Variants in GAN observed in about 807,000 individuals in gnomAD.
GAN encodes gigaxonin.
Under a neutral mutation model 71.3 loss-of-function variants are expected in GAN, and 48 were observed. That is an observed-to-expected ratio of 0.67 (90% CI 0.53 to 0.86). GAN has a LOEUF of 0.86. Ranked by LOEUF, GAN falls within the 40% of genes least tolerant of loss-of-function variation. GAN has a pLI of 0.00. For missense variants in GAN, 928 were observed against 770.1 expected (o/e 1.21, Z -2.43); for synonymous variants, 386 against 276.8 (o/e 1.39, Z -3.92).
intron 1 of GAN, among the ~76,000 whole-genome samples, chr16:81,330,362 C>G (rs1396627950): frequency 6.6e-6 from 1 of 152,234 alleles, no homozygotes; most frequent in Non-Finnish European, 1.5e-5. Flanking sequence ...CACTGAGGAG[C>G]TCAGAAGACA....
chr16:81,357,829 G>C lies in GAN; in HGVS notation c.871G>C (p.Ala291Pro). The change falls in exon 5 of 11, where the codon GCG becomes CCG. Residue 291 changes from alanine to proline, a missense_variant. Ala to Pro is a conservative substitution (Grantham distance 27, BLOSUM62 -1). Coordinates refer to ENST00000648994, the MANE Select transcript of GAN (RefSeq NM_022041.4). ...CCTTAGTTCACGGAAACCCACAGCA[G>C]CGATGCGATGCATGTGCCCTCTCTA... Reference protein sequence around the residue: ...EERVSRKPTAAMRCMCPLYDP... With the variant: ...EERVSRKPTAPMRCMCPLYDP... 1 of 1,613,376 alleles carries C rather than the reference G, an allele frequency of 6.2e-7. No homozygotes were observed. Among genetic ancestry groups the C allele is most frequent in the Non-Finnish European group, 8.5e-7 (1 of 1,179,282 alleles).
rs765991121 is a variant in GAN, at chr16:81,377,371, A to G, written c.1612+43A>G. 8 of 1,597,630 alleles carry G rather than the reference A, an allele frequency of 5.0e-6. No homozygotes were observed. The South Asian group carries it at 7.7e-5, about 15-fold the overall frequency. ...ATTTTCTTGGAACTGTTTCCTGGTG[A>G]TTCTGGGTACATTTTCTCACCCTTG... On this transcript the variant is annotated intron_variant, in intron 10 of 10. Coordinates refer to ENST00000648994, the MANE Select transcript of GAN (RefSeq NM_022041.4).
At chr16:81,367,228 T>C (rs531215039) in intron 9 of GAN, among the ~76,000 whole-genome samples, 5 of 152,276 alleles carry the variant, frequency 3.3e-5, no homozygotes, top group Admixed American at 6.5e-5. Context: ...CTTTGCTGTT[T>C]AAAAGCACTT....
intron 7 of GAN, among the ~76,000 whole-genome samples, chr16:81,364,322 T>C (rs1021798015): frequency 6.6e-6 from 1 of 152,170 alleles, no homozygotes; most frequent in South Asian, 2.1e-4. Flanking sequence ...CAGATTAGAG[T>C]GCGGTGGCGC....
At chr16:81,359,886 A>G (rs1337677456) in intron 5 of GAN, among the ~76,000 whole-genome samples, 1 of 152,244 alleles carries the variant, frequency 6.6e-6, no homozygotes, top group Non-Finnish European at 1.5e-5. Flanking sequence ...GTCTCTCTCA[A>G]AATATCTTAC....
intron 9 of GAN, among the ~76,000 whole-genome samples, chr16:81,374,434 A>G (rs908677800): frequency 6.6e-6 from 1 of 152,374 alleles, no homozygotes; most frequent in East Asian, 1.9e-4. Context: ...CCTAGCCTGC[A>G]GAAGTCATTA....
intron 5 of GAN, among the ~76,000 whole-genome samples, chr16:81,359,900 A>G (rs1164737849): frequency 6.6e-6 from 1 of 152,258 alleles, no homozygotes; most frequent in Non-Finnish European, 1.5e-5. Flanking sequence ...ATCTTACTTT[A>G]CTGAACTCAC....
intron 9 of GAN, among the ~76,000 whole-genome samples, chr16:81,372,222 C>T (rs774302150): frequency 6.6e-6 from 1 of 152,182 alleles, no homozygotes; most frequent in East Asian, 1.9e-4. Context: ...TACTGACAAG[C>T]CCGTTTGAAA....
At chr16:81,354,380 T>C (rs1910413718) in intron 2 of GAN, 25 bp from the exon 3 acceptor site, 1 of 1,443,520 alleles carries the variant, frequency 6.9e-7, no homozygotes, top group Non-Finnish European at 9.8e-7. Context: ...CATTCAAATA[T>C]AAGATAATTA....
intron 9 of GAN, among the ~76,000 whole-genome samples, chr16:81,368,007 A>C (rs1910916736): frequency 6.6e-6 from 1 of 152,250 alleles, no homozygotes. Context: ...TTGCCGGATG[A>C]GCAGTCCATA....
chr16:81,351,551 A>G (rs370616133), intron 1 of GAN, 32 bp from the exon 2 acceptor site: 4 of 878,532 alleles, frequency 4.6e-6, no homozygotes, highest in African/African-American at 3.3e-5. Context: ...CTGTTCTTTC[A>G]TAGAAATTTT....
chr16:81,354,243 A>G (rs79178878), intron 2 of GAN, among the ~76,000 whole-genome samples, 162 bp from the exon 3 acceptor site: 50 of 24,196 alleles, frequency 2.1e-3, no homozygotes, highest in African/African-American at 0.014. Flanking sequence ...AACTCTTGGA[A>G]AAAAAAAAAA....
chr16:81,364,174 G>T (rs1159767598), intron 7 of GAN, among the ~76,000 whole-genome samples: 1 of 152,164 alleles, frequency 6.6e-6, no homozygotes, highest in Non-Finnish European at 1.5e-5. Flanking sequence ...CAGCACCGCT[G>T]TGTGTCAAGC....
intron 9 of GAN, among the ~76,000 whole-genome samples, chr16:81,374,772 C>T (rs1442040807): frequency 6.6e-6 from 1 of 152,190 alleles, no homozygotes; most frequent in Non-Finnish European, 1.5e-5. Flanking sequence ...ATTTTCTCTG[C>T]CTCAGCTCTG....
intron 6 of GAN, 144 bp downstream of exon 6, chr16:81,362,755 C>G: frequency 1.4e-6 from 1 of 698,978 alleles, no homozygotes; most frequent in South Asian, 1.5e-5. Flanking sequence ...TTCTAGTGCC[C>G]GGCTCTCCTC....
At chr16:81,366,921 T>C (rs1347286997) in intron 9 of GAN, among the ~76,000 whole-genome samples, 1 of 151,824 alleles carries the variant, frequency 6.6e-6, no homozygotes, top group Non-Finnish European at 1.5e-5. Context: ...GCCTCCCGGG[T>C]TCAAGCGATT....
intron 1 of GAN, among the ~76,000 whole-genome samples, chr16:81,329,171 T>A (rs756920244): frequency 2.0e-5 from 3 of 152,120 alleles, no homozygotes; most frequent in Non-Finnish European, 2.9e-5. Flanking sequence ...TGTTGTTTGT[T>A]CTCTTCTCTT....
At chr16:81,365,904 C>T (rs1256600470) in intron 9 of GAN, among the ~76,000 whole-genome samples, 1 of 152,022 alleles carries the variant, frequency 6.6e-6, no homozygotes, top group Non-Finnish European at 1.5e-5. Flanking sequence ...TAAATAAACT[C>T]CTTAACTTAG....
intron 1 of GAN, among the ~76,000 whole-genome samples, chr16:81,342,198 C>A (rs1909965643): frequency 6.6e-6 from 1 of 152,074 alleles, no homozygotes; most frequent in Non-Finnish European, 1.5e-5. Flanking sequence ...ACTTTAACAC[C>A]CCACTGTCAA....
Sources: allele counts gnomAD v4.1 joint callset (sites outside exome capture counted in the v4.1 genomes callset), GRCh38; gene constraint gnomAD v4.1.1; transcripts MANE v1.5; gene names NCBI Gene and HGNC (gene_info 2026-07-23, HGNC 2026-07-21).